Variants in SHISA6 observed in about 807,000 individuals in gnomAD.
The protein encoded by SHISA6 is protein shisa-6.
SHISA6 carries 22 observed loss-of-function variants against 47.9 expected under a neutral mutation model. That is an observed-to-expected ratio of 0.46 (90% confidence interval 0.33 to 0.66). The LOEUF is 0.66. SHISA6 is among the 30% of genes least tolerant of loss of function. The pLI is 0.02. For synonymous variants in SHISA6, 388 were observed against 337.8 expected (o/e 1.15, Z -1.63); for missense variants, 680 against 764.6 (o/e 0.89, Z 1.30).
intron 2 of SHISA6, among the ~76,000 whole-genome samples, chr17:11,340,848 G>A (rs7225825): frequency 0.11 from 16,221 of 152,216 alleles, 907 homozygotes; most frequent in African/African-American, 0.13. Flanking sequence ...CCTAGTGACC[G>A]TATGTTCCAA....
chr17:11,253,181 T>C (rs1907880048), intron 1 of SHISA6, among the ~76,000 whole-genome samples: 1 of 152,238 alleles, frequency 6.6e-6, no homozygotes, highest in Admixed American at 6.5e-5. Flanking sequence ...TGTTCAGTTC[T>C]GTCGAGCTGT....
intron 3 of SHISA6, among the ~76,000 whole-genome samples, chr17:11,536,013 G>T (rs1009588798): frequency 1.3e-5 from 2 of 151,830 alleles, no homozygotes; most frequent in African/African-American, 2.4e-5. Context: ...TAGATAGATA[G>T]ATATATATAG....
chr17:11,446,772 C>G (rs1042896321), intron 3 of SHISA6, among the ~76,000 whole-genome samples: 1 of 152,122 alleles, frequency 6.6e-6, no homozygotes, highest in Admixed American at 6.6e-5. Flanking sequence ...GAAAATTTTT[C>G]ATCTTGTGTT....
At position 11,391,532 on chromosome 17, in the gene SHISA6, A is replaced by G. The variant is rs181247015; in HGVS notation, c.895+12023A>G. ...TGTGTGGCTGACTCCATGGACAGAG[A>G]TGGACTACAAACTGATGTTCAACTC... On this transcript the variant is annotated intron_variant, in intron 3 of 5. Transcript: ENST00000441885. Among the ~76,000 whole-genome samples the G allele has an allele frequency of 2.4e-3, 371 of 152,248 alleles. 2 individuals are homozygous for G. The highest frequency in any genetic ancestry group is 0.022 in the Admixed American group (332 of 15,290).
At chr17:11,343,663 C>T (rs1397723861) in intron 2 of SHISA6, among the ~76,000 whole-genome samples, 3 of 152,140 alleles carry the variant, frequency 2.0e-5, no homozygotes, top group African/African-American at 4.8e-5. Context: ...GATGGAATGG[C>T]GGAGCAGGCT....
At chr17:11,410,347 T>C (rs1914081170) in intron 3 of SHISA6, among the ~76,000 whole-genome samples, 1 of 152,186 alleles carries the variant, frequency 6.6e-6, no homozygotes, top group Admixed American at 6.5e-5. Context: ...TTCGCCTATG[T>C]TTTCTTTAAT....
chr17:11,455,163 T>C (rs148786716), intron 3 of SHISA6, among the ~76,000 whole-genome samples: 10,776 of 151,954 alleles, frequency 0.071, 425 homozygotes, highest in Non-Finnish European at 0.077. Context: ...AGCAAGACTC[T>C]GTCTCAAAAA....
intron 3 of SHISA6, among the ~76,000 whole-genome samples, chr17:11,407,943 C>T (rs1169862921): frequency 6.6e-6 from 1 of 152,152 alleles, no homozygotes; most frequent in Middle Eastern, 3.2e-3. Flanking sequence ...TTGGTGACCT[C>T]ACATTTGAAA....
chr17:11,359,895 G>A (rs1912204398), intron 2 of SHISA6, among the ~76,000 whole-genome samples: 2 of 152,164 alleles, frequency 1.3e-5, no homozygotes, highest in East Asian at 3.9e-4. Flanking sequence ...AACCATTGTG[G>A]AAGACAGTGT....
intron 5 of SHISA6, 34 bp from the exon 6 acceptor site, chr17:11,557,720 A>C (rs1355198670): frequency 6.6e-7 from 1 of 1,505,796 alleles, no homozygotes. Flanking sequence ...GGGTCACCCC[A>C]GTTGCCTTCT....
rs542849953 is a variant in SHISA6, at chr17:11,378,714, C to T, written c.800-700C>T. On this transcript the variant is annotated intron_variant, in intron 2 of 5. Transcript: ENST00000441885. ...CCACAAAACCACAGGTAGATCTCTGCATTAAGCAGGCAGGGGATAGTGTCT... is the reference window on the plus strand; with the variant it reads ...CCACAAAACCACAGGTAGATCTCTGTATTAAGCAGGCAGGGGATAGTGTCT... 2.6e-5 allele frequency among the ~76,000 whole-genome samples: 4 copies of T among 152,292 alleles called. No individual in the cohort carries two copies. In the South Asian group the frequency reaches 8.3e-4, roughly 32 times the overall value.
chr17:11,287,139 A>G (rs555205405), intron 2 of SHISA6, among the ~76,000 whole-genome samples: 1 of 152,190 alleles, frequency 6.6e-6, no homozygotes, highest in East Asian at 1.9e-4. Flanking sequence ...ATATGCTTGT[A>G]GTCCCAGTTA....
intron 1 of SHISA6, among the ~76,000 whole-genome samples, chr17:11,245,548 C>T (rs369723050): frequency 2.0e-5 from 3 of 152,258 alleles, no homozygotes; most frequent in East Asian, 1.9e-4. Flanking sequence ...TTCCTTCCTC[C>T]TCACCCTGAG....
At chr17:11,444,328 TA>T (rs550336873) in intron 3 of SHISA6, among the ~76,000 whole-genome samples, 1 of 151,044 alleles carries the variant, frequency 6.6e-6, no homozygotes, top group African/African-American at 2.4e-5. Context: ...AAAATAAAAG[TA>T]AAAAAAAGAA....
intron 3 of SHISA6, among the ~76,000 whole-genome samples, chr17:11,427,343 C>G (rs1234347506): frequency 6.6e-6 from 1 of 152,146 alleles, no homozygotes; most frequent in Non-Finnish European, 1.5e-5. Context: ...CCATGTTGTC[C>G]AGGCTGGTCT....
chr17:11,396,217 G>T (rs185780362), intron 3 of SHISA6, among the ~76,000 whole-genome samples: 1 of 152,114 alleles, frequency 6.6e-6, no homozygotes, highest in Admixed American at 6.5e-5. Context: ...ACCTAATCTT[G>T]CAGTCTTGGA....
chr17:11,330,544 G>T (rs1250552482), intron 2 of SHISA6, among the ~76,000 whole-genome samples: 1 of 151,340 alleles, frequency 6.6e-6, no homozygotes, highest in Non-Finnish European at 1.5e-5. Flanking sequence ...ACAGGGAAAA[G>T]ACTAAAATTA....
intron 3 of SHISA6, among the ~76,000 whole-genome samples, chr17:11,451,173 GC>G (rs1695988688): frequency 6.6e-6 from 1 of 151,990 alleles, no homozygotes; most frequent in African/African-American, 2.4e-5. Context: ...CATCTCAAAT[GC>G]GTGGTTTTAC....
chr17:11,447,341 TCG>T (rs200463292), intron 3 of SHISA6, among the ~76,000 whole-genome samples: 2,330 of 152,278 alleles, frequency 0.015, 25 homozygotes, highest in South Asian at 0.023. Context: ...GAGGCTATTG[TCG>T]AGTTCCCAAA....
Sources: gnomAD v4.1 joint callset for allele counts (sites outside exome capture counted in the v4.1 genomes callset) on GRCh38, gnomAD v4.1.1 for gene constraint, MANE v1.5 for transcripts, NCBI Gene and HGNC (gene_info 2026-07-23, HGNC 2026-07-21) for gene names.